Variants in CNTN4 observed in about 807,000 individuals in gnomAD.
CNTN4 encodes contactin-4.
A neutral mutation model predicts 122.5 loss-of-function variants in CNTN4; 77 were observed. The ratio of observed to expected loss-of-function variants is 0.63; its 90% CI spans 0.52 to 0.76. CNTN4 has a LOEUF of 0.76. CNTN4 is among the 30% of genes least tolerant of loss of function. CNTN4 has a pLI of 0.00. For synonymous variants in CNTN4, 512 were observed against 447.0 expected, an observed-to-expected ratio of 1.15 and a Z score of -1.83; for missense variants, 1,256 against 1,259.1, an observed-to-expected ratio of 1.00 and a Z score of 0.04.
chr3:2,247,852 G>A (rs567947796), intron 2 of CNTN4, among the ~76,000 whole-genome samples: 11 of 152,028 alleles, frequency 7.2e-5, no homozygotes, highest in South Asian at 2.1e-4. Flanking sequence ...AAGAACTTTC[G>A]TATGTATTAC....
chr3:2,117,067 T>G (rs2033405207), intron 2 of CNTN4, among the ~76,000 whole-genome samples: 1 of 152,140 alleles, frequency 6.6e-6, no homozygotes, highest in South Asian at 2.1e-4. Context: ...TACTTAGAGA[T>G]AGTCTCAGAT....
chr3:2,996,802 A>G (rs1695579437), intron 14 of CNTN4, among the ~76,000 whole-genome samples: 1 of 152,270 alleles, frequency 6.6e-6, no homozygotes, highest in East Asian at 1.9e-4. Context: ...CTGTTTTATA[A>G]TCAGTATGAT....
intron 6 of CNTN4, among the ~76,000 whole-genome samples, chr3:2,772,583 C>A (rs1486037565): frequency 6.6e-6 from 1 of 152,008 alleles, no homozygotes; most frequent in Admixed American, 6.6e-5. Context: ...TCACACAAAC[C>A]TGGATTCTTA....
Position 2,902,876 on chromosome 3 carries a change from G to T in CNTN4, c.1078G>T (p.Asp360Tyr). 1 of 1,612,756 alleles carries T rather than the reference G, an allele frequency of 6.2e-7. No homozygotes were observed. The change falls in exon 12 of 25, where the codon GAT (aspartate) becomes TAT (tyrosine). Residue 360 changes from aspartate to tyrosine, a missense_variant and splice_region_variant. Coordinates refer to ENST00000418658, the MANE Select transcript of CNTN4 (RefSeq NM_175607.3). ...TTTATGTTCCTCTTTTCTTTCACAG[G>T]ATAGAATTCAAATTGAGCAAGGAAC... ...LKNGEPLLTR[D>Y]RIQIEQGTLN... is the part of the protein sequence containing the mutation.
intron 12 of CNTN4, among the ~76,000 whole-genome samples, chr3:2,918,839 G>T (rs2094396929): frequency 6.6e-6 from 1 of 152,172 alleles, no homozygotes; most frequent in Non-Finnish European, 1.5e-5. Context: ...AGTTCACGAA[G>T]CCATTCATAA....
intron 4 of CNTN4, among the ~76,000 whole-genome samples, chr3:2,717,206 A>C (rs1402346346): frequency 6.6e-6 from 1 of 152,158 alleles, no homozygotes; most frequent in East Asian, 1.9e-4. Flanking sequence ...TGGCATGTGG[A>C]AACCTGGATT....
intron 23 of CNTN4, 104 bp from the exon 24 acceptor site, chr3:3,053,703 A>G (rs928004110): frequency 2.3e-5 from 27 of 1,157,344 alleles, no homozygotes; most frequent in Admixed American, 1.7e-5. Flanking sequence ...CAACCTCTAC[A>G]TCCCTGCATT....
At chr3:3,034,551 A>G in intron 16 of CNTN4, 81 bp from the exon 17 acceptor site, 2 of 1,367,182 alleles carry the variant, frequency 1.5e-6, no homozygotes, top group Non-Finnish European at 2.1e-6. Context: ...GAATGGGTCA[A>G]TGCCCCATTC....
chr3:2,200,207 G>A (rs899856415), intron 2 of CNTN4, among the ~76,000 whole-genome samples: 10 of 152,114 alleles, frequency 6.6e-5, no homozygotes, highest in African/African-American at 2.4e-4. Flanking sequence ...TAGTAGAGAT[G>A]GAGATGGGTG....
intron 2 of CNTN4, among the ~76,000 whole-genome samples, chr3:2,123,062 C>T (rs1385565261): frequency 2.0e-5 from 3 of 152,194 alleles, no homozygotes; most frequent in Non-Finnish European, 1.5e-5. Context: ...ATGTTCTTGA[C>T]TTAAGGCATC....
rs79380727 is a variant in CNTN4, at chr3:2,708,694, A to C, written c.56-27521A>C. 5.9e-3 allele frequency among the ~76,000 whole-genome samples: 880 copies of C among 150,312 alleles called. 23 individuals carry two copies. Among genetic ancestry groups the C allele is most frequent in the East Asian group, 0.047 (235 of 5,052 alleles). The stretch of plus-strand genomic sequence containing the variant: ...ATCCATTCCCTCCTACCCAGAGAGC[A>C]CGTCCATGCACGCAGGCACGCGCAC... On this transcript the variant is annotated intron_variant, in intron 4 of 24. Coordinates refer to ENST00000418658, the MANE Select transcript of CNTN4 (RefSeq NM_175607.3).
At chr3:2,653,351 G>C (rs979167398) in intron 4 of CNTN4, among the ~76,000 whole-genome samples, 8 of 152,054 alleles carry the variant, frequency 5.3e-5, no homozygotes, top group Non-Finnish European at 8.8e-5. Context: ...TTGTCTACCA[G>C]TTGAGCAACT....
chr3:2,749,937 C>G (rs940283397), intron 6 of CNTN4, among the ~76,000 whole-genome samples: 1 of 152,068 alleles, frequency 6.6e-6, no homozygotes, highest in Non-Finnish European at 1.5e-5. Context: ...TTTGACTCCA[C>G]GTATTGTCAT....
chr3:2,145,512 A>T (rs2035203564), intron 2 of CNTN4, among the ~76,000 whole-genome samples: 3 of 152,174 alleles, frequency 2.0e-5, no homozygotes, highest in Non-Finnish European at 2.9e-5. Context: ...CGAGCTTTTA[A>T]TTTTTTTAAG....
intron 16 of CNTN4, among the ~76,000 whole-genome samples, chr3:3,033,691 G>A (rs60050266): frequency 0.013 from 1,920 of 152,292 alleles, 30 homozygotes; most frequent in African/African-American, 0.041. Context: ...ATTGTACCTT[G>A]TTAAAAATGC....
chr3:2,311,070 G>C (rs1000005216), intron 2 of CNTN4, among the ~76,000 whole-genome samples: 2 of 152,016 alleles, frequency 1.3e-5, no homozygotes, highest in Admixed American at 1.3e-4. Context: ...ATCCGAATCA[G>C]AAGCAAACAG....
At chr3:2,579,674 T>C (rs1341403759) in intron 4 of CNTN4, among the ~76,000 whole-genome samples, 1 of 152,228 alleles carries the variant, frequency 6.6e-6, no homozygotes, top group Non-Finnish European at 1.5e-5. Context: ...TAATGAGCTA[T>C]TATTCATTGA....
At chr3:2,124,287 A>G (rs958361230) in intron 2 of CNTN4, among the ~76,000 whole-genome samples, 5 of 152,208 alleles carry the variant, frequency 3.3e-5, no homozygotes, top group African/African-American at 9.6e-5. Flanking sequence ...TGTTTTCTCA[A>G]CGGTTAGCCA....
intron 4 of CNTN4, among the ~76,000 whole-genome samples, chr3:2,584,052 T>G (rs1254264226): frequency 6.6e-6 from 1 of 152,200 alleles, no homozygotes; most frequent in African/African-American, 2.4e-5. Context: ...TGTATGAGCT[T>G]GAGGAAATTG....
Sources: gnomAD v4.1 joint callset for allele counts (sites outside exome capture counted in the v4.1 genomes callset) on GRCh38, gnomAD v4.1.1 for gene constraint, MANE v1.5 for transcripts, NCBI Gene and HGNC (gene_info 2026-07-23, HGNC 2026-07-21) for gene names.